Variants in BIVM observed in about 807,000 individuals in gnomAD.
BIVM encodes the protein basic, immunoglobulin-like variable motif containing.
Under a neutral mutation model 61.4 loss-of-function variants are expected in BIVM, and 31 were observed. That is an observed-to-expected ratio of 0.51 (90% CI 0.38 to 0.68). The LOEUF (loss-of-function observed/expected upper bound fraction) is 0.68. Ranked by LOEUF, BIVM falls within the 30% of genes least tolerant of loss-of-function variation. The pLI is 0.00. For missense variants in BIVM, 526 were observed against 596.0 expected (o/e 0.88, Z 1.22); for synonymous variants, 189 against 210.7 (o/e 0.90, Z 0.89).
intron 7 of BIVM, among the ~76,000 whole-genome samples, chr13:102,828,314 G>C (rs1487547780): frequency 6.6e-6 from 1 of 151,830 alleles, no homozygotes; most frequent in Admixed American, 6.5e-5. Flanking sequence ...ATTTGCACCA[G>C]GCAAGTCCAG....
chr13:102,807,209 C>A lies in BIVM; in HGVS notation c.-59C>A. 1 of 1,502,624 alleles carries A rather than the reference C, an allele frequency of 6.7e-7. No homozygotes were observed. Among genetic ancestry groups the A allele is most frequent in the Non-Finnish European group, 8.9e-7 (1 of 1,124,416 alleles). The allele number at this position is 1,502,624 out of a possible 1,614,324, so 93.1% of individuals were successfully genotyped here. On this transcript the variant is annotated 5_prime_UTR_variant, in exon 3 of 11. Coordinates refer to ENST00000257336, the MANE Select transcript of BIVM (RefSeq NM_017693.4). The surrounding 1 kb of genome is among the most constrained non-coding windows in gnomAD (Gnocchi z 4.0). ...GTAAACAATTGTCAAAGTTGTTTAT[C>A]AAGAAACAGATAGAGTTGCAACTTG...
In BIVM at chr13:102,831,629, T is replaced by C. The variant is rs777453290; in HGVS notation, c.966T>C (p.His322=). The change falls in exon 8 of 11, where the codon CAT becomes CAC. Residue 322 remains histidine (H), a synonymous_variant. Transcript: ENST00000257336. ...LKDESLAYIY[H]CQNHYFCPIG... Reference sequence around the variant, plus strand: ...ATGAATCGCTGGCTTATATCTATCATTGCCAAAATCATTATTTTTGTCCAA... The same window carrying C: ...ATGAATCGCTGGCTTATATCTATCACTGCCAAAATCATTATTTTTGTCCAA... 1.6e-5 allele frequency: 26 copies of C among 1,614,078 alleles called. No homozygotes were observed. The highest frequency in any genetic ancestry group is 6.7e-5 in the Admixed American group (4 of 59,998).
At chr13:102,813,996 GAC>G (rs1879685456) in intron 3 of BIVM, among the ~76,000 whole-genome samples, 2 of 152,268 alleles carry the variant, frequency 1.3e-5, no homozygotes, top group African/African-American at 4.8e-5. Context: ...AGTAAAAAAA[GAC>G]AGTGGATTTT....
At chr13:102,835,796 G>T (rs1321606074) in intron 9 of BIVM, among the ~76,000 whole-genome samples, 1 of 152,234 alleles carries the variant, frequency 6.6e-6, no homozygotes, top group Non-Finnish European at 1.5e-5. Context: ...GCCTCCCAAA[G>T]TGTTGGGATT....
At chr13:102,822,024 G>A in intron 6 of BIVM, 41 bp from the exon 7 acceptor site, 1 of 1,603,908 alleles carries the variant, frequency 6.2e-7, no homozygotes, top group Non-Finnish European at 8.5e-7. Context: ...CATCTTTGTT[G>A]TAGAATTGTT....
At chr13:102,829,272 G>A (rs1206941454) in intron 7 of BIVM, among the ~76,000 whole-genome samples, 6 of 152,030 alleles carry the variant, frequency 3.9e-5, no homozygotes, top group African/African-American at 1.4e-4. Context: ...AATCTCAAAG[G>A]GACCAGAATT....
intron 7 of BIVM, among the ~76,000 whole-genome samples, chr13:102,828,697 G>T (rs1880844993): frequency 6.6e-6 from 1 of 150,498 alleles, no homozygotes; most frequent in South Asian, 2.1e-4. Context: ...ACACAAATTG[G>T]CCTTCCCCTG....
In BIVM at chr13:102,822,623, A is replaced by G. The variant is rs189302646; in HGVS notation, c.901+464A>G. Among the ~76,000 whole-genome samples the G allele has an allele frequency of 2.3e-3, 344 of 152,364 alleles. 2 individuals are homozygous for G. Among genetic ancestry groups the G allele is most frequent in the Non-Finnish European group, 3.8e-3 (259 of 68,036 alleles). On this transcript the variant is annotated intron_variant, in intron 7 of 10. Transcript: ENST00000257336. ...AGGAAAATAGACTGTTGAAGTGACA[A>G]AGTTCTGCTATAAAATAGTCTTGTT... is the stretch of plus-strand genomic sequence containing the variant.
chr13:102,837,780 C>G (rs1346447055), intron 9 of BIVM, among the ~76,000 whole-genome samples: 2 of 152,152 alleles, frequency 1.3e-5, no homozygotes, highest in South Asian at 2.1e-4. Flanking sequence ...GGCCGTTATT[C>G]TAAGTGAAGT....
At chr13:102,827,986 A>G (rs1880794584) in intron 7 of BIVM, among the ~76,000 whole-genome samples, 1 of 152,128 alleles carries the variant, frequency 6.6e-6, no homozygotes, top group Admixed American at 6.5e-5. Flanking sequence ...TTTTAAATCT[A>G]TCTTCTCTTT....
intron 9 of BIVM, among the ~76,000 whole-genome samples, chr13:102,835,498 C>T (rs181243871): frequency 1.3e-5 from 2 of 152,244 alleles, no homozygotes; most frequent in East Asian, 3.9e-4. Flanking sequence ...ACTGATCTAC[C>T]TTCTGTCTCT....
intron 3 of BIVM, among the ~76,000 whole-genome samples, chr13:102,809,173 GTA>G (rs1287699671): frequency 6.6e-6 from 1 of 152,098 alleles, no homozygotes; most frequent in African/African-American, 2.4e-5. Context: ...AAATTGCTAA[GTA>G]CTGCTTTAGC....
chr13:102,803,207 A>G (rs1465406547), intron 1 of BIVM, among the ~76,000 whole-genome samples: 6 of 151,960 alleles, frequency 3.9e-5, no homozygotes, highest in African/African-American at 1.4e-4. Flanking sequence ...AAATGAGCAT[A>G]CTTTTACAAT....
chr13:102,816,559 T>G lies in BIVM; in HGVS notation c.605+5T>G, dbSNP rs749890452. 1.3e-6 allele frequency: 2 copies of G among 1,516,294 alleles called. No individual in the cohort carries two copies. The highest frequency in any genetic ancestry group is 2.7e-5 in the South Asian group (2 of 72,890). The allele number at this position is 1,516,294 out of a possible 1,614,324, so 93.9% of individuals were successfully genotyped here. A position where few individuals can be genotyped will look rare whatever the true frequency, so the allele number is the denominator to read the frequency against. The stretch of plus-strand genomic sequence containing the variant: ...AGTATTAGACCTCAGACGATGGTGA[T>G]GTTATCAGTTTTTATTTTTTTCATT... On this transcript the variant is annotated splice_donor_5th_base_variant and intron_variant, in intron 4 of 10. Transcript: ENST00000257336.
rs564944199 is a variant in BIVM at position 102,806,165 on chromosome 13, G to A, written c.-123+775G>A. Among the ~76,000 whole-genome samples the A allele has an allele frequency of 5.4e-5, 7 of 129,518 alleles. No homozygotes were observed. In the South Asian group the frequency reaches 8.8e-4, roughly 16 times the overall value. The allele number at this position is 129,518 out of a possible 152,430, so 85.0% of individuals were successfully genotyped here. ...CATTTTTGATTATAGCCATTCTAGCGTGTGTGAGGTGTTAATCTCATTGTG... is the reference window on the plus strand; with the variant it reads ...CATTTTTGATTATAGCCATTCTAGCATGTGTGAGGTGTTAATCTCATTGTG... On this transcript the variant is annotated intron_variant, in intron 2 of 10. Coordinates refer to ENST00000257336, the MANE Select transcript of BIVM (RefSeq NM_017693.4).
chr13:102,823,212 T>C (rs1880417585), intron 7 of BIVM, among the ~76,000 whole-genome samples: 1 of 152,138 alleles, frequency 6.6e-6, no homozygotes, highest in Non-Finnish European at 1.5e-5. Context: ...AGGAAGAGAA[T>C]TGTTATCAAT....
intron 1 of BIVM, among the ~76,000 whole-genome samples, chr13:102,802,138 T>A (rs1474179451): frequency 1.3e-5 from 2 of 152,174 alleles, no homozygotes; most frequent in Non-Finnish European, 2.9e-5. Flanking sequence ...AAGTGTCAAC[T>A]CACTGGGAAT....
chr13:102,819,184 A>G (rs1880070743), intron 4 of BIVM, among the ~76,000 whole-genome samples: 2 of 152,234 alleles, frequency 1.3e-5, no homozygotes, highest in Non-Finnish European at 2.9e-5. Flanking sequence ...TTGAATAAGG[A>G]CATTAGTAAA....
chr13:102,822,643 C>G, intron 7 of BIVM, among the ~76,000 whole-genome samples: 1 of 152,122 alleles, frequency 6.6e-6, no homozygotes. Context: ...ATAAAATAGT[C>G]TTGTTTATAA....
Sources: gnomAD v4.1 joint callset for allele counts (sites outside exome capture counted in the v4.1 genomes callset) on GRCh38, gnomAD v4.1.1 for gene constraint, Gnocchi (gnomAD v3.1) non-coding constraint, MANE v1.5 for transcripts, NCBI Gene and HGNC (gene_info 2026-07-23, HGNC 2026-07-21) for gene names.